The following SULT1C2 variants were observed in gnomAD, a reference collection of about 807,000 sequenced individuals.
SULT1C2 encodes sulfotransferase 1C2.
Under a neutral mutation model 36.0 loss-of-function variants are expected in SULT1C2, and 27 were observed. That is an observed-to-expected ratio of 0.75 (90% CI 0.55 to 1.03). The LOEUF (loss-of-function observed/expected upper bound fraction) is 1.03. Ranked by LOEUF, SULT1C2 falls within the 50% of genes least tolerant of loss-of-function variation. SULT1C2 has a pLI of 0.00. For synonymous variants in SULT1C2, 121 were observed against 116.0 expected, an observed-to-expected ratio of 1.04 and a Z score of -0.27; for missense variants, 395 against 359.2, an observed-to-expected ratio of 1.10 and a Z score of -0.80.
chr2:108,295,578 C>CATAA (rs1676704708), intron 3 of SULT1C2, among the ~76,000 whole-genome samples: 1 of 152,246 alleles, frequency 6.6e-6, no homozygotes, highest in South Asian at 2.1e-4. Context: ...ACAATGTTTA[C>CATAA]ATAACCTCTC....
At chr2:108,305,291 C>G in intron 6 of SULT1C2, 25 bp downstream of exon 6, 1 of 1,613,768 alleles carries the variant, frequency 6.2e-7, no homozygotes, top group Non-Finnish European at 8.5e-7. Flanking sequence ...TGCAGAAGAA[C>G]CATTTTAAAG....
chr2:108,297,073 A>T (rs115006993), intron 3 of SULT1C2, among the ~76,000 whole-genome samples: 2,271 of 152,266 alleles, frequency 0.015, 51 homozygotes, highest in African/African-American at 0.051. Flanking sequence ...ATGCATATGC[A>T]TGTGTGTGTG....
Position 108,305,244 on chromosome 2 carries a change from T to C in SULT1C2, c.575T>C (p.Leu192Pro). 1 of 1,614,238 alleles carries C rather than the reference T, an allele frequency of 6.2e-7. No homozygotes were observed. Among genetic ancestry groups the C allele is most frequent in the South Asian group, 1.1e-5 (1 of 91,088 alleles). The change falls in exon 6 of 8, where the codon CTC becomes CCC. Residue 192 changes from leucine (L) to proline (P), a missense_variant. Transcript: ENST00000251481. ...EMKDRHQILF[L>P]FYEDIKRDPK... is the part of the protein sequence containing the mutation. ...AAAGACAGACACCAGATTCTCTTCC[T>C]CTTCTATGAGGACATAAAGAGGGTG...
At chr2:108,300,502 T>G in intron 3 of SULT1C2, 1 of 373,538 alleles carries the variant, frequency 2.7e-6, no homozygotes, top group Non-Finnish European at 4.7e-6. Flanking sequence ...CACATGGGGG[T>G]CATCTCTGGC....
chr2:108,290,074 G>A (rs1383980146), intron 1 of SULT1C2, among the ~76,000 whole-genome samples: 2 of 152,154 alleles, frequency 1.3e-5, no homozygotes, highest in African/African-American at 4.8e-5. Context: ...GTGTTGCGTG[G>A]ATTATTCTCA....
chr2:108,302,690 A>C (rs890648277), intron 4 of SULT1C2: 2 of 152,384 alleles, frequency 1.3e-5, no homozygotes, highest in Middle Eastern at 3.4e-3. Flanking sequence ...TCTAGAAATA[A>C]GAGAAGGTTC....
At chr2:108,308,040 A>G (rs1042150127) in intron 7 of SULT1C2, among the ~76,000 whole-genome samples, 7 of 152,118 alleles carry the variant, frequency 4.6e-5, no homozygotes, top group African/African-American at 1.7e-4. Context: ...GTGTGTCTGT[A>G]GTTCATCATT....
intron 3 of SULT1C2, among the ~76,000 whole-genome samples, chr2:108,297,332 T>A (rs1407611268): frequency 1.3e-5 from 2 of 152,200 alleles, no homozygotes; most frequent in Non-Finnish European, 2.9e-5. Context: ...ATTACTAATT[T>A]TCTGCCTCTG....
At chr2:108,307,130 T>C (rs373118394) in intron 7 of SULT1C2, among the ~76,000 whole-genome samples, 1 of 152,222 alleles carries the variant, frequency 6.6e-6, no homozygotes, top group South Asian at 2.1e-4. Context: ...ATTTATGTTG[T>C]TGCATTTTCC....
chr2:108,300,976 G>C, intron 4 of SULT1C2, 41 bp downstream of exon 4: 1 of 1,610,636 alleles, frequency 6.2e-7, no homozygotes. Context: ...GGGAAAGTAA[G>C]CCAACCAAAG....
At chr2:108,307,327 C>T (rs1489402791) in intron 7 of SULT1C2, among the ~76,000 whole-genome samples, 1 of 152,188 alleles carries the variant, frequency 6.6e-6, no homozygotes, top group Non-Finnish European at 1.5e-5. Context: ...TGAAAGCTTG[C>T]TCCCTAAAAT....
chr2:108,290,799 G>A (rs11887636), intron 1 of SULT1C2, among the ~76,000 whole-genome samples: 2,411 of 152,298 alleles, frequency 0.016, 66 homozygotes, highest in African/African-American at 0.055. Flanking sequence ...TCAACAGAGA[G>A]TTTTGGTGGG....
intron 1 of SULT1C2, among the ~76,000 whole-genome samples, chr2:108,290,461 T>G (rs1441107008): frequency 6.6e-6 from 1 of 152,240 alleles, no homozygotes; most frequent in Non-Finnish European, 1.5e-5. Context: ...CAAACCACGA[T>G]AATGTCCGTC....
intron 3 of SULT1C2, among the ~76,000 whole-genome samples, chr2:108,298,195 C>T (rs1309059639): frequency 1.3e-5 from 2 of 152,206 alleles, no homozygotes; most frequent in Non-Finnish European, 1.5e-5. Flanking sequence ...TTATAGCTTT[C>T]ATCTCCGTTT....
chr2:108,298,995 GCACC>G (rs1558679116), intron 3 of SULT1C2: 1 of 152,832 alleles, frequency 6.5e-6, no homozygotes, highest in East Asian at 1.9e-4. Flanking sequence ...CTCTTTTTCT[GCACC>G]CAGAGGCGAG....
chr2:108,298,048 G>A (rs1037866359), intron 3 of SULT1C2, among the ~76,000 whole-genome samples: 4 of 152,196 alleles, frequency 2.6e-5, no homozygotes, highest in Non-Finnish European at 4.4e-5. Context: ...GGAGAGCCGC[G>A]AGTACCAGGA....
In SULT1C2 at chr2:108,305,230, C is replaced by G. The variant is rs1364655235; in HGVS notation, c.561C>G (p.His187Gln). ...GATGGTGGGAGATGAAAGACAGACA[C>G]CAGATTCTCTTCCTCTTCTATGAGG... Reference protein sequence around the residue: ...VKGWWEMKDRHQILFLFYEDI... With the variant: ...VKGWWEMKDRQQILFLFYEDI... The change falls in exon 6 of 8, where the codon CAC becomes CAG. Residue 187 changes from histidine to glutamine, a missense_variant. Transcript: ENST00000251481. 2 of 1,614,146 alleles carry G rather than the reference C, an allele frequency of 1.2e-6. No homozygotes were observed. The highest frequency in any genetic ancestry group is 2.2e-5 in the East Asian group (1 of 44,878).
At chr2:108,300,526 A>C in intron 3 of SULT1C2, 1 of 404,174 alleles carries the variant, frequency 2.5e-6, no homozygotes, top group Non-Finnish European at 4.3e-6. Flanking sequence ...CAGGAAGGTG[A>C]GGGAGTCCTC....
chr2:108,299,766 G>C (rs1676826404), intron 3 of SULT1C2: 1 of 152,174 alleles, frequency 6.6e-6, no homozygotes, highest in Non-Finnish European at 1.5e-5. Context: ...GTCTGAAACA[G>C]ATACCTGTAC....
Sources: gnomAD v4.1 joint callset for allele counts (sites outside exome capture counted in the v4.1 genomes callset) on GRCh38, gnomAD v4.1.1 for gene constraint, MANE v1.5 for transcripts, NCBI Gene and HGNC (gene_info 2026-07-23, HGNC 2026-07-21) for gene names.